Variants in NXF3 observed in about 807,000 individuals in gnomAD.
The protein encoded by NXF3 is nuclear RNA export factor 3.
Under a neutral mutation model 48.4 loss-of-function variants are expected in NXF3, and 34 were observed. The ratio of observed to expected loss-of-function variants is 0.70; its 90% CI spans 0.53 to 0.93. The LOEUF is 0.93. Ranked by LOEUF, NXF3 falls within the 40% of genes least tolerant of loss-of-function variation. NXF3 has a pLI of 0.00. For missense variants in NXF3, 359 were observed against 406.1 expected (o/e 0.88, Z 1.00); for synonymous variants, 132 against 145.7 (o/e 0.91, Z 0.68).
chrX:103,089,146 C>G, intron 1 of NXF3: 1 of 789,015 alleles, frequency 1.3e-6, no homozygotes, highest in Non-Finnish European at 1.9e-6. Flanking sequence ...CTAATTCATG[C>G]AGGGCAGAAA....
chrX:103,084,733 A>ATG lies in NXF3; in HGVS notation c.177_178dup (p.Met60ThrfsTer6). 2 of 1,211,956 alleles carry ATG rather than the reference A, an allele frequency of 1.7e-6. No homozygotes were observed. The highest frequency in any genetic ancestry group is 2.2e-6 in the Non-Finnish European group (2 of 895,499). ...CACTTACTATCTTACTGGAGAGTCC[A>ATG]TGTGGGCACCATGCATTGCTGCATC... On this transcript the variant is annotated frameshift_variant, in exon 2 of 20. Coordinates refer to ENST00000395065, the MANE Select transcript of NXF3 (RefSeq NM_022052.2). LOFTEE classifies it high-confidence loss of function.
intron 1 of NXF3, chrX:103,088,945 A>T: frequency 8.4e-7 from 1 of 1,186,068 alleles, no homozygotes; most frequent in Non-Finnish European, 1.1e-6. Flanking sequence ...TCAGGAGTTA[A>T]GGCAGACTCA....
intron 1 of NXF3, among the ~76,000 whole-genome samples, chrX:103,085,967 T>C (rs962509840): frequency 1.9e-5 from 2 of 107,334 alleles, no homozygotes; most frequent in African/African-American, 6.8e-5. Context: ...TAACACTACT[T>C]CTCCACTGTT....
At chrX:103,091,240 A>G (rs1301099865) in intron 1 of NXF3, among the ~76,000 whole-genome samples, 11 of 111,536 alleles carry the variant, frequency 9.9e-5, no homozygotes, top group African/African-American at 3.6e-4. Flanking sequence ...AAGCTGTTTC[A>G]TATTGAAAGT....
intron 1 of NXF3, chrX:103,088,258 T>C: frequency 1.6e-6 from 1 of 616,901 alleles, no homozygotes; most frequent in Non-Finnish European, 2.5e-6. Flanking sequence ...CTTTTGATCC[T>C]AGAAAAAAGT....
At chrX:103,090,308 T>C (rs1416661406) in intron 1 of NXF3, among the ~76,000 whole-genome samples, 1 of 112,270 alleles carries the variant, frequency 8.9e-6, no homozygotes, top group Non-Finnish European at 1.9e-5. Context: ...TGCTAAATAA[T>C]TTTATTTTGA....
intron 1 of NXF3, chrX:103,088,382 T>C: frequency 3.6e-6 from 2 of 553,321 alleles, no homozygotes; most frequent in Non-Finnish European, 3.0e-6. Flanking sequence ...TATAAAACAA[T>C]TGGCAATAAA....
In NXF3 at chrX:103,077,478, T is replaced by C. The variant is rs745359786; in HGVS notation, c.1584+136A>G. 570 of 659,602 alleles carry C rather than the reference T, an allele frequency of 8.6e-4. 5 individuals carry two copies. In the African/African-American group the frequency reaches 0.012, roughly 13 times the overall value. 54.4% of individuals were successfully genotyped at this position (659,602 alleles called of 1,213,427 possible). A position where few individuals can be genotyped will look rare whatever the true frequency, so the allele number is the denominator to read the frequency against. On this transcript the variant is annotated intron_variant, in intron 18 of 19. Coordinates refer to ENST00000395065, the MANE Select transcript of NXF3 (RefSeq NM_022052.2). The stretch of plus-strand genomic sequence containing the variant: ...CGTGTTAGCCAGGATGGTCTCAATC[T>C]CCTGACCTCGTGATTCGCCCGCCTC...
intron 10 of NXF3, 142 bp from the exon 11 acceptor site, chrX:103,080,358 G>A (rs978868475): frequency 2.1e-5 from 14 of 674,914 alleles, no homozygotes; most frequent in African/African-American, 1.3e-4. Context: ...GACTACAGTC[G>A]GGATTGCCGC....
At chrX:103,082,101 G>C (rs971064269) in intron 9 of NXF3, 154 bp downstream of exon 9, 2 of 505,662 alleles carry the variant, frequency 4.0e-6, no homozygotes, top group Middle Eastern at 5.5e-4. Flanking sequence ...AGATGTCTAA[G>C]CACAGATGAA....
rs182390108 is a variant in NXF3 at position 103,088,173 on chromosome X, A to G, written c.29-3290T>C. 5.2e-4 allele frequency: 525 copies of G among 1,018,633 alleles called. 2 individuals carry two copies. The Admixed American group carries it at 8.4e-3, about 16-fold the overall frequency. The allele number at this position is 1,018,633 out of a possible 1,213,427, so 83.9% of individuals were successfully genotyped here. On this transcript the variant is annotated intron_variant, in intron 1 of 19. Coordinates refer to ENST00000395065, the MANE Select transcript of NXF3 (RefSeq NM_022052.2). ...CAAAATTCCAAGCAGGTTCAAAAGA[A>G]GCTACAACTATAAAACCATTGTTAA...
chrX:103,078,758 T>C, intron 16 of NXF3, 126 bp from the exon 17 acceptor site: 1 of 1,046,395 alleles, frequency 9.6e-7, no homozygotes, highest in East Asian at 3.0e-5. Flanking sequence ...AGTTGTTCAC[T>C]TGGAGTGAGG....
Position 103,077,739 on chromosome X carries a change from T to C in NXF3, c.1459A>G (p.Ile487Val), listed in dbSNP as rs1012352712. The change falls in exon 18 of 20, where the codon ATC (isoleucine) becomes GTC (valine). Residue 487 changes from isoleucine (I) to valine (V), a missense_variant. Physicochemically the swap from Ile to Val is conservative, Grantham distance 29 (BLOSUM62 3). Coordinates refer to ENST00000395065, the MANE Select transcript of NXF3 (RefSeq NM_022052.2). ...CGCACAAAGAGCTTGTCATTCACGA[T>C]GCACAGACTGGAGGAAAAATGGGCC... ...ATPGSSSSLC[I>V]VNDKLFVRDT... 2.5e-6 allele frequency: 3 copies of C among 1,208,635 alleles called. No homozygotes were observed. In the African/African-American group the frequency reaches 5.3e-5, roughly 21 times the overall value.
chrX:103,084,701 T>G lies in NXF3; in HGVS notation c.197+14A>C, dbSNP rs774560525. The stretch of plus-strand genomic sequence containing the variant: ...GCTGGTACATTCCAGCCATGCTGAC[T>G]ACTGGTCACTTACTATCTTACTGGA... On this transcript the variant is annotated intron_variant, in intron 2 of 19. Transcript: ENST00000395065. The G allele has an allele frequency of 8.3e-7, 1 of 1,208,083 alleles. No homozygotes were observed. The highest frequency in any genetic ancestry group is 1.1e-6 in the Non-Finnish European group (1 of 892,446).
chrX:103,085,900 C>CAAAAAAAAAAAAA (rs56135590), intron 1 of NXF3, among the ~76,000 whole-genome samples: 2 of 43,528 alleles, frequency 4.6e-5, no homozygotes, highest in African/African-American at 9.3e-5. Flanking sequence ...GAGACTCTGT[C>CAAAAAAAAAAAAA]AAAAAAAAAA....
chrX:103,076,207 C>T (rs1921866363), intron 19 of NXF3, 34 bp downstream of exon 19: 10 of 1,081,475 alleles, frequency 9.2e-6, no homozygotes, highest in Admixed American at 2.2e-5. Flanking sequence ...GCCACCCAAC[C>T]TCTGCTCACT....
intron 1 of NXF3, among the ~76,000 whole-genome samples, chrX:103,085,249 TC>T (rs1184909336): frequency 8.9e-6 from 1 of 111,814 alleles, no homozygotes; most frequent in African/African-American, 3.3e-5. Flanking sequence ...TGGTTTCACC[TC>T]CTGGGAGATG....
rs751736609 is a variant in NXF3, at chrX:103,079,719, G to A, written c.1160+44C>T. 5 of 1,181,229 alleles carry A rather than the reference G, an allele frequency of 4.2e-6. No individual in the cohort carries two copies. The Admixed American group carries it at 8.8e-5, about 21-fold the overall frequency. The stretch of plus-strand genomic sequence containing the variant: ...CCAGGAGCTGGTGTCTTTCTGCAGG[G>A]GAGTCACATGGCCCTGGACCAGGGT... On this transcript the variant is annotated intron_variant, in intron 13 of 19. Transcript: ENST00000395065.
In NXF3 at chrX:103,079,760, C is replaced by T. The variant is rs1482004846; in HGVS notation, c.1160+3G>A. On this transcript the variant is annotated splice_donor_region_variant and intron_variant, in intron 13 of 19. Coordinates refer to ENST00000395065, the MANE Select transcript of NXF3 (RefSeq NM_022052.2). ...GGACCAGGGTCGGAGCTGTGATACT[C>T]ACGGGGCTGAGTCCTCAGGATTGAA... is the stretch of plus-strand genomic sequence containing the variant. The T allele has an allele frequency of 8.3e-7, 1 of 1,207,185 alleles. No homozygotes were observed. Among genetic ancestry groups the T allele is most frequent in the African/African-American group, 1.8e-5 (1 of 56,932 alleles).
Sources: gnomAD v4.1 joint callset for allele counts (sites outside exome capture counted in the v4.1 genomes callset) on GRCh38, gnomAD v4.1.1 for gene constraint, MANE v1.5 for transcripts, NCBI Gene and HGNC (gene_info 2026-07-23, HGNC 2026-07-21) for gene names.